Variants in ROR1 observed in about 807,000 individuals in gnomAD.
ROR1 encodes the protein ROR family WNT receptor 1, also known as inactive tyrosine-protein kinase transmembrane receptor ROR1.
ROR1 carries 19 observed loss-of-function variants against 78.8 expected under a neutral mutation model. The ratio of observed to expected loss-of-function variants is 0.24; its 90% CI spans 0.17 to 0.35. The LOEUF is 0.35. Among genes scored for constraint, ROR1 ranks in the 10% least tolerant of loss-of-function variants. The pLI is 1.00. For synonymous variants in ROR1, 386 were observed against 433.6 expected, an observed-to-expected ratio of 0.89 and a Z score of 1.36; for missense variants, 917 against 1,177.8, an observed-to-expected ratio of 0.78 and a Z score of 3.24.
chr1:63,848,392 G>A (rs1414249512), intron 1 of ROR1, among the ~76,000 whole-genome samples: 1 of 152,154 alleles, frequency 6.6e-6, no homozygotes, highest in Non-Finnish European at 1.5e-5. Flanking sequence ...TTTGCAGAGT[G>A]GAGGTAACTC....
intron 4 of ROR1, among the ~76,000 whole-genome samples, chr1:64,120,558 T>A (rs2100686758): frequency 6.6e-6 from 1 of 152,244 alleles, no homozygotes; most frequent in Admixed American, 6.5e-5. Flanking sequence ...ATTTTACACT[T>A]ACCACACATC....
In ROR1 at chr1:64,179,868, G is replaced by A. The variant is rs1050228192; in HGVS notation, c.*1013G>A. On this transcript the variant is annotated 3_prime_UTR_variant, in exon 9 of 9. Coordinates refer to ENST00000371079, the MANE Select transcript of ROR1 (RefSeq NM_005012.4). ...AGTGCTTATGGTCAATGGGCTCTAG[G>A]GAAGTAGGAAACTCCATCATGATAC... The A allele has an allele frequency of 6.6e-6, 1 of 152,130 alleles. No individual in the cohort carries two copies. The highest frequency in any genetic ancestry group is 1.5e-5 in the Non-Finnish European group (1 of 68,024). The allele number at this position is 152,130 out of a possible 1,614,324, so 9.4% of individuals were successfully genotyped here. A position where few individuals can be genotyped will look rare whatever the true frequency, so the allele number is the denominator to read the frequency against.
intron 1 of ROR1, among the ~76,000 whole-genome samples, chr1:63,876,041 G>A (rs895095661): frequency 6.6e-6 from 1 of 152,068 alleles, no homozygotes; most frequent in African/African-American, 2.4e-5. Flanking sequence ...AATCTTGGTG[G>A]GATTTTAAAG....
intron 1 of ROR1, among the ~76,000 whole-genome samples, chr1:63,963,868 A>T (rs1306974844): frequency 6.6e-6 from 1 of 152,158 alleles, no homozygotes; most frequent in Non-Finnish European, 1.5e-5. Flanking sequence ...TGCCTGGGGT[A>T]CCAGCATCCG....
At chr1:64,093,076 T>A (rs1267217889) in intron 4 of ROR1, among the ~76,000 whole-genome samples, 2 of 152,184 alleles carry the variant, frequency 1.3e-5, no homozygotes, top group Non-Finnish European at 2.9e-5. Context: ...TAAGCTGTCA[T>A]CTAAGCAACG....
intron 4 of ROR1, among the ~76,000 whole-genome samples, chr1:64,054,003 G>T (rs1472606998): frequency 1.3e-5 from 2 of 149,110 alleles, no homozygotes; most frequent in Non-Finnish European, 2.9e-5. Context: ...CCAGGCTGGA[G>T]TGCAGTGGTG....
At chr1:64,070,020 C>T (rs1646990806) in intron 4 of ROR1, among the ~76,000 whole-genome samples, 1 of 152,162 alleles carries the variant, frequency 6.6e-6, no homozygotes. Flanking sequence ...CACTCCCAGC[C>T]CCTAGCAACC....
intron 1 of ROR1, among the ~76,000 whole-genome samples, chr1:63,847,999 CT>C (rs1645092087): frequency 1.3e-5 from 2 of 152,204 alleles, no homozygotes; most frequent in Non-Finnish European, 2.9e-5. Flanking sequence ...CCTGAGCTCC[CT>C]TTTTGTTTCC....
At chr1:63,872,132 T>C (rs1026630448) in intron 1 of ROR1, among the ~76,000 whole-genome samples, 1 of 152,164 alleles carries the variant, frequency 6.6e-6, no homozygotes, top group Non-Finnish European at 1.5e-5. Flanking sequence ...AACATACACA[T>C]CTCTGAAGAA....
In ROR1 at chr1:64,179,861, G is replaced by A. The variant is rs890260034; in HGVS notation, c.*1006G>A. ...GCATTGGAGTGCTTATGGTCAATGG[G>A]CTCTAGGGAAGTAGGAAACTCCATC... On this transcript the variant is annotated 3_prime_UTR_variant, in exon 9 of 9. Transcript: ENST00000371079. The A allele has an allele frequency of 2.6e-5, 4 of 152,156 alleles. No homozygotes were observed. The highest frequency in any genetic ancestry group is 9.7e-5 in the African/African-American group (4 of 41,424). The allele number at this position is 152,156 out of a possible 1,614,324, so 9.4% of individuals were successfully genotyped here.
intron 2 of ROR1, among the ~76,000 whole-genome samples, chr1:64,014,687 T>G (rs1188431103): frequency 9.0e-6 from 1 of 111,704 alleles, no homozygotes; most frequent in Non-Finnish European, 1.9e-5. Context: ...TGTTTCCAAC[T>G]GCAAATAGTT....
intron 1 of ROR1, among the ~76,000 whole-genome samples, chr1:63,824,383 T>A (rs1644941501): frequency 6.6e-6 from 1 of 152,190 alleles, no homozygotes; most frequent in South Asian, 2.1e-4. Flanking sequence ...AAATTTAAAT[T>A]TCATACAGCT....
At chr1:63,808,761 G>A (rs1491000883) in intron 1 of ROR1, among the ~76,000 whole-genome samples, 1 of 151,854 alleles carries the variant, frequency 6.6e-6, no homozygotes, top group Admixed American at 6.5e-5. Flanking sequence ...GCAGAAAAGG[G>A]GTAGGAAAAA....
chr1:63,945,729 TGATA>T (rs1289129202), intron 1 of ROR1, among the ~76,000 whole-genome samples: 1 of 152,228 alleles, frequency 6.6e-6, no homozygotes, highest in African/African-American at 2.4e-5. Flanking sequence ...ATCTCTGAAG[TGATA>T]GATCTTAAAC....
chr1:64,167,481 A>C (rs183962071), intron 8 of ROR1, among the ~76,000 whole-genome samples: 5 of 152,374 alleles, frequency 3.3e-5, no homozygotes, highest in Admixed American at 6.5e-5. Flanking sequence ...GCCAGAAGGC[A>C]CTTAATCCAG....
chr1:63,855,911 C>T (rs1645145702), intron 1 of ROR1, among the ~76,000 whole-genome samples: 1 of 152,060 alleles, frequency 6.6e-6, no homozygotes. Context: ...CCCACCTCGG[C>T]CTCCCAAAGT....
Position 64,159,094 on chromosome 1 carries a change from A to G in ROR1, c.1288A>G (p.Asn430Asp). ...LLFFFICVCRNNQKSSSAPVQ... is the reference protein window; with the variant it reads ...LLFFFICVCRDNQKSSSAPVQ... ...CTTCTTCTTCATTTGCGTCTGTCGGAATAACCAGAAGTCATCGTCGGCACC... is the reference window on the plus strand; with the variant it reads ...CTTCTTCTTCATTTGCGTCTGTCGGGATAACCAGAAGTCATCGTCGGCACC... The change falls in exon 8 of 9, where the codon AAT becomes GAT. Residue 430 changes from asparagine to aspartate, a missense_variant. Asn to Asp is a conservative substitution (Grantham distance 23). Transcript: ENST00000371079. The G allele has an allele frequency of 6.2e-7, 1 of 1,614,172 alleles. No homozygotes were observed. Among genetic ancestry groups the G allele is most frequent in the Non-Finnish European group, 8.5e-7 (1 of 1,180,030 alleles).
chr1:64,107,638 G>A (rs956305964), intron 4 of ROR1, among the ~76,000 whole-genome samples: 14 of 151,210 alleles, frequency 9.3e-5, no homozygotes, highest in African/African-American at 3.4e-4. Flanking sequence ...TAAAGTGCCA[G>A]AAATTGAGTG....
chr1:64,004,817 A>C (rs1646415312), intron 1 of ROR1, among the ~76,000 whole-genome samples: 1 of 152,182 alleles, frequency 6.6e-6, no homozygotes, highest in South Asian at 2.1e-4. Flanking sequence ...AAATACCAAA[A>C]CCTTATGGTT....
Sources: allele counts gnomAD v4.1 joint callset (sites outside exome capture counted in the v4.1 genomes callset), GRCh38; gene constraint gnomAD v4.1.1; transcripts MANE v1.5; gene names NCBI Gene and HGNC (gene_info 2026-07-23, HGNC 2026-07-21).